The following ABCA9 variants were observed in gnomAD, a reference collection of about 807,000 sequenced individuals.
ABCA9 encodes the protein ATP-binding cassette sub-family A member 9.
ABCA9 carries 183 observed loss-of-function variants against 205.3 expected under a neutral mutation model. The observed-to-expected ratio is 0.89, with a 90% CI of 0.79 to 1.01. ABCA9 has a LOEUF of 1.01. Ranked by LOEUF, ABCA9 falls within the 50% of genes least tolerant of loss-of-function variation. The probability of loss-of-function intolerance (pLI) is 0.00; values close to 1 mark genes in which losing one functional copy is unlikely to be tolerated. For synonymous variants in ABCA9, 651 were observed against 683.3 expected (o/e 0.95, Z 0.74); for missense variants, 1,805 against 1,912.4 (o/e 0.94, Z 1.05).
At chr17:69,052,356 C>T (rs553878724) in intron 1 of ABCA9, among the ~76,000 whole-genome samples, 2 of 151,972 alleles carry the variant, frequency 1.3e-5, no homozygotes, top group Non-Finnish European at 2.9e-5. Context: ...GCCTGGGTGA[C>T]AGAGAGAGAC....
At position 69,023,144 on chromosome 17, in the gene ABCA9, ATAG is replaced by A. The variant is rs1429176461; in HGVS notation, c.2281+1067_2281+1069del. The A allele has an allele frequency of 3.3e-5, 5 of 152,188 alleles. No homozygotes were observed. The highest frequency in any genetic ancestry group is 7.4e-5 in the Non-Finnish European group (5 of 68,024). 9.4% of individuals were successfully genotyped at this position (152,188 alleles called of 1,614,324 possible). On this transcript the variant is annotated intron_variant, in intron 17 of 38. Coordinates refer to ENST00000340001, the MANE Select transcript of ABCA9 (RefSeq NM_080283.4). The surrounding 1 kb of genome is among the most constrained non-coding windows in gnomAD (Gnocchi z 4.2). ...CTGAAATAATAATGGATCTTAAATG[ATAG>A]TAGATCATATTTTAAATGGTAGCAT...
At chr17:69,075,889 A>G in the ABCA9 span, among the ~76,000 whole-genome samples, 1 of 152,048 alleles carries the variant, frequency 6.6e-6, no homozygotes, top group Non-Finnish European at 1.5e-5. Context: ...GTCATCTATG[A>G]TTTCTTTCAG....
intron 27 of ABCA9, chr17:68,992,489 G>A (rs2069483501): frequency 2.7e-6 from 1 of 367,176 alleles, no homozygotes; most frequent in Non-Finnish European, 5.0e-6. Context: ...AGTGAAACCA[G>A]TACTACCCAT....
chr17:68,988,585 C>T (rs545403971), intron 31 of ABCA9, among the ~76,000 whole-genome samples: 2 of 152,264 alleles, frequency 1.3e-5, no homozygotes, highest in Admixed American at 1.3e-4. Flanking sequence ...TATTGTTACA[C>T]AAGTCACACA....
Position 69,008,071 on chromosome 17 carries a change from C to T in ABCA9, c.3312G>A (p.Leu1104=). 1.2e-6 allele frequency: 2 copies of T among 1,602,538 alleles called. No homozygotes were observed. The highest frequency in any genetic ancestry group is 2.2e-5 in the East Asian group (1 of 44,782). The change falls in exon 24 of 39, where the codon CTG becomes CTA. Residue 1104 remains leucine (L), a synonymous_variant. Coordinates refer to ENST00000340001, the MANE Select transcript of ABCA9 (RefSeq NM_080283.4). ...PEEIIFIIQN[L]LIQILCSIGY... ...AATTGCTGCCACTTACTTGAATTAACAGGTTTTGAATTATAAATATAATCT... is the reference window on the plus strand; with the variant it reads ...AATTGCTGCCACTTACTTGAATTAATAGGTTTTGAATTATAAATATAATCT...
chr17:69,009,042 T>C (rs1299790711), intron 23 of ABCA9, among the ~76,000 whole-genome samples: 2 of 152,178 alleles, frequency 1.3e-5, no homozygotes. Context: ...TGAGGACCGT[T>C]AGAGAGCTTG....
Position 69,043,617 on chromosome 17 carries a change from A to C in ABCA9, c.672T>G (p.Asp224Glu), listed in dbSNP as rs778732732. The change falls in exon 6 of 39, where the codon GAT (aspartate) becomes GAG (glutamate). Residue 224 changes from aspartate (D) to glutamate (E), a missense_variant. Asp to Glu is a conservative substitution (Grantham distance 45, BLOSUM62 2). Transcript: ENST00000340001. ...PFVAQGGVAT[D>E]FFIFFCIISF... is the part of the protein sequence containing the mutation. The stretch of plus-strand genomic sequence containing the variant: ...AAATAATGCAAAAGAAAATGAAAAA[A>C]TCAGTTGCAACTCCTCCTTGGGCAA... 8 of 1,613,822 alleles carry C rather than the reference A, an allele frequency of 5.0e-6. No homozygotes were observed. In the South Asian group the frequency reaches 8.8e-5, roughly 18 times the overall value.
intron 29 of ABCA9, among the ~76,000 whole-genome samples, chr17:68,990,386 T>C (rs2069408466): frequency 1.3e-5 from 2 of 152,234 alleles, no homozygotes; most frequent in Non-Finnish European, 2.9e-5. Context: ...TGTATGCACA[T>C]GCATGTGTTT....
At chr17:69,004,318 TGTTAG>T (rs1402257807) in intron 25 of ABCA9, among the ~76,000 whole-genome samples, 1 of 152,232 alleles carries the variant, frequency 6.6e-6, no homozygotes, top group Non-Finnish European at 1.5e-5. Context: ...CCTTTCTGTT[TGTTAG>T]TTTTCCTTCT....
In ABCA9 at chr17:69,051,151, CAG is replaced by C; in HGVS notation, c.-13-14_-13-13del. On this transcript the variant is annotated splice_polypyrimidine_tract_variant and intron_variant, in intron 1 of 38. Transcript: ENST00000340001. The stretch of plus-strand genomic sequence containing the variant: ...TTTTGACCTGTTTCCTTTAAAAAGA[CAG>C]AAAAAAAATGAAGTACATGTGAAGG... 2 of 1,605,352 alleles carry C rather than the reference CAG, an allele frequency of 1.2e-6. No individual in the cohort carries two copies. The highest frequency in any genetic ancestry group is 1.7e-6 in the Non-Finnish European group (2 of 1,176,674).
Position 68,992,326 on chromosome 17 carries a change from TGGAATTGATTTAAAGA to T in ABCA9, c.3625-76_3625-61del, listed in dbSNP as rs1464028108. ...ACTATAAATGCAATGATTTCAATAT[TGGAATTGATTTAAAGA>T]GTTTGATTATATAAAAATTCGATTT... On this transcript the variant is annotated intron_variant, in intron 27 of 38. Coordinates refer to ENST00000340001, the MANE Select transcript of ABCA9 (RefSeq NM_080283.4). 5 of 1,081,204 alleles carry T rather than the reference TGGAATTGATTTAAAGA, an allele frequency of 4.6e-6. No homozygotes were observed. The East Asian group carries it at 1.3e-4, about 29-fold the overall frequency. 67.0% of individuals were successfully genotyped at this position (1,081,204 alleles called of 1,614,324 possible).
At chr17:68,996,486 A>T (rs1047205226) in intron 25 of ABCA9, among the ~76,000 whole-genome samples, 2 of 152,196 alleles carry the variant, frequency 1.3e-5, no homozygotes, top group African/African-American at 4.8e-5. Context: ...GATGGTCTAC[A>T]TAGGTCTTTA....
At chr17:68,988,329 T>G (rs1215246075) in intron 31 of ABCA9, among the ~76,000 whole-genome samples, 3 of 152,246 alleles carry the variant, frequency 2.0e-5, no homozygotes, top group Non-Finnish European at 4.4e-5. Flanking sequence ...GTTTTGCAAT[T>G]TAGATAATTA....
In ABCA9 at chr17:69,028,617, C is replaced by A. The variant is rs2071067843; in HGVS notation, c.1533G>T (p.Gln511His). The change falls in exon 12 of 39, where the codon CAG becomes CAT. Residue 511 changes from glutamine (Q) to histidine (H), a missense_variant. Physicochemically the swap from Gln to His is conservative, Grantham distance 24 (BLOSUM62 0). Coordinates refer to ENST00000340001, the MANE Select transcript of ABCA9 (RefSeq NM_080283.4). ...CACTGTGACCAAGGAGGGCAGTGAT[C>A]TGGCCTTCATATATGTCAAACACCA... is the stretch of plus-strand genomic sequence containing the variant. Reference protein sequence around the residue: ...KGVVFDIYEGQITALLGHSGA... With the variant: ...KGVVFDIYEGHITALLGHSGA... The A allele has an allele frequency of 2.5e-6, 4 of 1,606,956 alleles. No individual in the cohort carries two copies. Among genetic ancestry groups the A allele is most frequent in the South Asian group, 1.1e-5 (1 of 90,100 alleles).
At chr17:69,067,811 A>T in the ABCA9 span, among the ~76,000 whole-genome samples, 1 of 152,202 alleles carries the variant, frequency 6.6e-6, no homozygotes, top group Non-Finnish European at 1.5e-5. Flanking sequence ...GAAGCCTCAC[A>T]GAGCTCACTG....
At chr17:69,041,840 C>T (rs1046914219) in intron 6 of ABCA9, among the ~76,000 whole-genome samples, 1 of 151,984 alleles carries the variant, frequency 6.6e-6, no homozygotes, top group African/African-American at 2.4e-5. Flanking sequence ...TCATCATAAA[C>T]CAAAGAAGTA....
At chr17:69,068,220 C>G in the ABCA9 span, among the ~76,000 whole-genome samples, 7 of 152,110 alleles carry the variant, frequency 4.6e-5, no homozygotes, top group African/African-American at 1.7e-4. Flanking sequence ...AATATACAAT[C>G]ATTATTCCTC....
Position 68,976,037 on chromosome 17 carries a change from GA to G in ABCA9, c.4777-25del, listed in dbSNP as rs148081859. On this transcript the variant is annotated intron_variant, in intron 38 of 38. Transcript: ENST00000340001. ...ACCTAAAAGGAAGGAAAGAAATAAA[GA>G]GAGGAGAACAATGCCATACTGCCTC... The G allele has an allele frequency of 1.5e-3, 2,448 of 1,611,132 alleles. 30 individuals are homozygous for G. The African/African-American group carries it at 0.028, about 18-fold the overall frequency.
intron 17 of ABCA9, chr17:69,022,155 T>G (rs2070833814): frequency 6.4e-6 from 1 of 155,768 alleles, no homozygotes; most frequent in Admixed American, 6.5e-5. Flanking sequence ...TTACAGGGAG[T>G]GTTTAATTCT....
Sources: gnomAD v4.1 joint callset for allele counts (sites outside exome capture counted in the v4.1 genomes callset) on GRCh38, gnomAD v4.1.1 for gene constraint, Gnocchi (gnomAD v3.1) non-coding constraint, MANE v1.5 for transcripts, NCBI Gene and HGNC (gene_info 2026-07-23, HGNC 2026-07-21) for gene names.